The following RPS6KC1 variants were observed in gnomAD, a reference collection of about 807,000 sequenced individuals.
RPS6KC1 encodes inactive ribosomal protein S6 kinase delta-1.
RPS6KC1 carries 54 observed loss-of-function variants against 103.8 expected under a neutral mutation model. That is an observed-to-expected ratio of 0.52 (90% confidence interval 0.42 to 0.65). The LOEUF (loss-of-function observed/expected upper bound fraction) is 0.65. Among genes scored for constraint, RPS6KC1 ranks in the 30% least tolerant of loss-of-function variants. RPS6KC1 has a pLI of 0.00. For missense variants in RPS6KC1, 1,151 were observed against 1,253.8 expected, an observed-to-expected ratio of 0.92 and a Z score of 1.24; for synonymous variants, 439 against 438.7, an observed-to-expected ratio of 1.00 and a Z score of -0.01.
At chr1:213,597,762 C>A in the RPS6KC1 span, among the ~76,000 whole-genome samples, 1 of 152,168 alleles carries the variant, frequency 6.6e-6, no homozygotes, top group Non-Finnish European at 1.5e-5. Context: ...AAACCCAGAG[C>A]TGCTCTGAAT....
the RPS6KC1 span, among the ~76,000 whole-genome samples, chr1:213,851,453 C>T: frequency 3.9e-5 from 6 of 152,164 alleles, no homozygotes; most frequent in African/African-American, 7.2e-5. Flanking sequence ...TTTGCTGGCT[C>T]ATCTTCCCCT....
chr1:213,089,725 G>A (rs1225136461), intron 3 of RPS6KC1, among the ~76,000 whole-genome samples: 1 of 152,148 alleles, frequency 6.6e-6, no homozygotes, highest in South Asian at 2.1e-4. Context: ...GCCTCCCAAA[G>A]TGCTGGGATT....
intron 8 of RPS6KC1, among the ~76,000 whole-genome samples, chr1:213,188,744 CAT>C (rs2148445730): frequency 6.6e-6 from 1 of 151,802 alleles, no homozygotes; most frequent in South Asian, 2.1e-4. Context: ...ATTGGAGAAA[CAT>C]ATTTATTAGC....
At chr1:213,374,427 G>C in the RPS6KC1 span, among the ~76,000 whole-genome samples, 1 of 151,960 alleles carries the variant, frequency 6.6e-6, no homozygotes, top group African/African-American at 2.4e-5. Context: ...AACACACTTT[G>C]AGAAACCCCA....
At chr1:213,275,469 G>A (rs2095110499), downstream of RPS6KC1, among the ~76,000 whole-genome samples, 1 of 152,170 alleles carries the variant, frequency 6.6e-6, no homozygotes, top group Admixed American at 6.5e-5. Flanking sequence ...GTCAAAGATG[G>A]ATAAGTTAAG....
the RPS6KC1 span, among the ~76,000 whole-genome samples, chr1:213,368,474 C>G: frequency 9.9e-5 from 15 of 152,056 alleles, no homozygotes; most frequent in Non-Finnish European, 2.1e-4. Flanking sequence ...AGGGAGGGGG[C>G]TCCTATAAGA....
the RPS6KC1 span, among the ~76,000 whole-genome samples, chr1:213,795,827 G>C: frequency 1.3e-5 from 2 of 151,890 alleles, no homozygotes; most frequent in Admixed American, 6.6e-5. Flanking sequence ...CGCTGGTTTC[G>C]TCTCTTAGCT....
chr1:213,303,777 G>T, the RPS6KC1 span, among the ~76,000 whole-genome samples: 1 of 151,898 alleles, frequency 6.6e-6, no homozygotes, highest in Non-Finnish European at 1.5e-5. Flanking sequence ...TAACAACAAG[G>T]CTCTAAATAG....
chr1:213,831,623 A>G, the RPS6KC1 span, among the ~76,000 whole-genome samples: 2 of 152,202 alleles, frequency 1.3e-5, no homozygotes. Context: ...TCCTATGGAA[A>G]CATAAAGATT....
the RPS6KC1 span, among the ~76,000 whole-genome samples, chr1:213,436,547 A>G: frequency 3.3e-5 from 5 of 152,182 alleles, no homozygotes; most frequent in Admixed American, 2.6e-4. Flanking sequence ...GAGGGAAAAA[A>G]CATTCTGGGA....
chr1:213,361,567 C>T, the RPS6KC1 span, among the ~76,000 whole-genome samples: 1 of 152,250 alleles, frequency 6.6e-6, no homozygotes, highest in South Asian at 2.1e-4. Flanking sequence ...CACTGTCCAA[C>T]AAGCCCCAGT....
At chr1:213,061,416 G>A (rs1186677630) in intron 1 of RPS6KC1, among the ~76,000 whole-genome samples, 1 of 152,136 alleles carries the variant, frequency 6.6e-6, no homozygotes, top group Non-Finnish European at 1.5e-5. Context: ...CCTGGCTGGT[G>A]GGTGATAACC....
the RPS6KC1 span, among the ~76,000 whole-genome samples, chr1:213,749,262 C>T: frequency 9.9e-5 from 15 of 152,228 alleles, no homozygotes; most frequent in African/African-American, 2.2e-4. Context: ...GAGTGTTTGG[C>T]GGGCAGAAGG....
At chr1:213,282,130 C>T in the RPS6KC1 span, among the ~76,000 whole-genome samples, 5 of 152,210 alleles carry the variant, frequency 3.3e-5, no homozygotes, top group African/African-American at 9.6e-5. Flanking sequence ...GGCTGCTCCT[C>T]GGCCTGTCAT....
At chr1:213,292,724 G>A in the RPS6KC1 span, among the ~76,000 whole-genome samples, 4 of 152,120 alleles carry the variant, frequency 2.6e-5, no homozygotes, top group Admixed American at 2.0e-4. Flanking sequence ...GAATAGAGGC[G>A]GTAGGATTAT....
chr1:213,671,429 C>T, the RPS6KC1 span, among the ~76,000 whole-genome samples: 2 of 152,106 alleles, frequency 1.3e-5, no homozygotes, highest in Non-Finnish European at 2.9e-5. Flanking sequence ...TTCAGTTACA[C>T]AGGAGGAGTT....
intron 7 of RPS6KC1, among the ~76,000 whole-genome samples, chr1:213,175,399 A>G (rs1423036592): frequency 6.6e-6 from 1 of 152,232 alleles, no homozygotes; most frequent in Non-Finnish European, 1.5e-5. Flanking sequence ...TCATAGGGTC[A>G]GAATGTTTCC....
At chr1:213,718,815 A>G in the RPS6KC1 span, among the ~76,000 whole-genome samples, 1 of 152,244 alleles carries the variant, frequency 6.6e-6, no homozygotes, top group African/African-American at 2.4e-5. Context: ...GCTGGTTAAC[A>G]ACGCAGATTT....
chr1:213,789,029 C>T, the RPS6KC1 span, among the ~76,000 whole-genome samples: 9 of 152,140 alleles, frequency 5.9e-5, no homozygotes, highest in Non-Finnish European at 7.3e-5. Context: ...GCCCAAGTCT[C>T]GGCCAGGCTC....
Sources: allele counts gnomAD v4.1 joint callset (sites outside exome capture counted in the v4.1 genomes callset), GRCh38; gene constraint gnomAD v4.1.1; transcripts MANE v1.5; gene names NCBI Gene and HGNC (gene_info 2026-07-23, HGNC 2026-07-21).